Variants in ZMAT4 observed in about 807,000 individuals in gnomAD.
ZMAT4 encodes zinc finger matrin-type protein 4.
In ZMAT4, 17 loss-of-function variants were observed where a neutral mutation model predicts 28.7. The ratio of observed to expected loss-of-function variants is 0.59; its 90% CI spans 0.41 to 0.89. The LOEUF is 0.89. Among genes scored for constraint, ZMAT4 ranks in the 40% least tolerant of loss-of-function variants. ZMAT4 has a pLI of 0.00. For synonymous variants in ZMAT4, 117 were observed against 109.2 expected, an observed-to-expected ratio of 1.07 and a Z score of -0.44; for missense variants, 240 against 283.8, an observed-to-expected ratio of 0.85 and a Z score of 1.11.
chr8:40,814,231 C>T (rs1382459091), intron 2 of ZMAT4, among the ~76,000 whole-genome samples: 1 of 152,240 alleles, frequency 6.6e-6, no homozygotes, highest in African/African-American at 2.4e-5. Context: ...GTTCTCAGCA[C>T]CTCCAAGTAT....
chr8:40,858,486 T>C (rs1817376478), intron 1 of ZMAT4, among the ~76,000 whole-genome samples: 1 of 152,174 alleles, frequency 6.6e-6, no homozygotes. Context: ...ACAGGTTTAA[T>C]AAGCAAGTAT....
chr8:40,819,617 T>A (rs1196339458), intron 2 of ZMAT4, among the ~76,000 whole-genome samples: 1 of 152,078 alleles, frequency 6.6e-6, no homozygotes, highest in East Asian at 1.9e-4. Flanking sequence ...AAGCTTGCAG[T>A]CCTCTTGGGA....
intron 3 of ZMAT4, among the ~76,000 whole-genome samples, chr8:40,703,065 C>A (rs1400236594): frequency 6.6e-6 from 1 of 151,838 alleles, no homozygotes; most frequent in Non-Finnish European, 1.5e-5. Flanking sequence ...ACACACAAAA[C>A]AAGGTTACAT....
At chr8:40,788,679 A>G (rs1433998911) in intron 2 of ZMAT4, among the ~76,000 whole-genome samples, 1 of 151,688 alleles carries the variant, frequency 6.6e-6, no homozygotes, top group Admixed American at 6.6e-5. Flanking sequence ...TTGTACACCA[A>G]CTCTTCCCAA....
chr8:40,824,466 AAAGT>A lies in ZMAT4; in HGVS notation c.102+1105_102+1108del, dbSNP rs534967133. Among the ~76,000 whole-genome samples the A allele has an allele frequency of 8.5e-5, 13 of 152,268 alleles. No individual in the cohort carries two copies. The South Asian group carries it at 2.7e-3, about 32-fold the overall frequency. On this transcript the variant is annotated intron_variant, in intron 2 of 6. Coordinates refer to ENST00000297737, the MANE Select transcript of ZMAT4 (RefSeq NM_024645.3). The stretch of plus-strand genomic sequence containing the variant: ...TCTCAAAAAGAAAGAAGAAAGAAAG[AAAGT>A]AAGAAAGAAAAGAAAAGAAAGAAAT...
At chr8:40,812,810 T>C (rs1815374565) in intron 2 of ZMAT4, among the ~76,000 whole-genome samples, 1 of 152,032 alleles carries the variant, frequency 6.6e-6, no homozygotes, top group African/African-American at 2.4e-5. Flanking sequence ...CAGGTGCCTG[T>C]AATCCTGGCT....
In ZMAT4 at chr8:40,746,302, CTTCCTTTCCT is replaced by C. The variant is rs545809333; in HGVS notation, c.192+21329_192+21338del. 9.4e-3 allele frequency among the ~76,000 whole-genome samples: 661 copies of C among 70,524 alleles called. 12 individuals are homozygous for C. Among genetic ancestry groups the C allele is most frequent in the African/African-American group, 0.031 (577 of 18,528 alleles). 46.3% of individuals were successfully genotyped at this position (70,524 alleles called of 152,430 possible). On this transcript the variant is annotated intron_variant, in intron 3 of 6. Transcript: ENST00000297737. ...CTTTCTTTCTTTTCTTTCTTTCTCC[CTTCCTTTCCT>C]TTCCTTTCCTTTCCTTTCCTTTCCT... is the stretch of plus-strand genomic sequence containing the variant.
intron 5 of ZMAT4, among the ~76,000 whole-genome samples, chr8:40,637,569 A>G (rs1409179859): frequency 6.6e-6 from 1 of 152,204 alleles, no homozygotes; most frequent in Admixed American, 6.5e-5. Flanking sequence ...TTAGAAACAT[A>G]AATTCCCCAA....
At chr8:40,755,746 C>A (rs903201285) in intron 3 of ZMAT4, among the ~76,000 whole-genome samples, 3 of 152,192 alleles carry the variant, frequency 2.0e-5, no homozygotes, top group Admixed American at 6.5e-5. Flanking sequence ...AACCACTGCA[C>A]CCAGCCTGAA....
intron 1 of ZMAT4, among the ~76,000 whole-genome samples, chr8:40,880,233 G>A (rs747587601): frequency 4.6e-5 from 7 of 152,044 alleles, no homozygotes; most frequent in African/African-American, 4.8e-5. Context: ...GCCGAGCGTC[G>A]TGGCACATGC....
chr8:40,627,295 C>T (rs764219747), intron 5 of ZMAT4, among the ~76,000 whole-genome samples: 1 of 152,148 alleles, frequency 6.6e-6, no homozygotes, highest in Non-Finnish European at 1.5e-5. Flanking sequence ...ATAACTGGAA[C>T]ATTTTAGAAC....
At chr8:40,783,935 C>T (rs58307603) in intron 2 of ZMAT4, among the ~76,000 whole-genome samples, 19,577 of 152,002 alleles carry the variant, frequency 0.13, 1,813 homozygotes, top group East Asian at 0.37. Flanking sequence ...TGCTTGAACC[C>T]GTAAGGCGGA....
intron 5 of ZMAT4, among the ~76,000 whole-genome samples, chr8:40,672,841 C>G (rs1289152954): frequency 1.3e-5 from 2 of 152,176 alleles, no homozygotes; most frequent in Non-Finnish European, 2.9e-5. Flanking sequence ...AAGACATAGA[C>G]TGAAAACATA....
chr8:40,576,392 CAA>C (rs1343893164), intron 6 of ZMAT4, among the ~76,000 whole-genome samples: 1 of 151,722 alleles, frequency 6.6e-6, no homozygotes, highest in Non-Finnish European at 1.5e-5. Context: ...AAGTCAAAGA[CAA>C]AGAGAGAATT....
chr8:40,543,163 T>C (rs928869904), intron 6 of ZMAT4, among the ~76,000 whole-genome samples: 1 of 152,158 alleles, frequency 6.6e-6, no homozygotes, highest in Non-Finnish European at 1.5e-5. Context: ...CAGCCAAACC[T>C]TTCAGCAGAC....
At chr8:40,689,400 T>C (rs1003453126) in intron 4 of ZMAT4, among the ~76,000 whole-genome samples, 3 of 152,246 alleles carry the variant, frequency 2.0e-5, no homozygotes. Flanking sequence ...TTTACATGAA[T>C]TTAGAAAATA....
intron 6 of ZMAT4, among the ~76,000 whole-genome samples, chr8:40,543,161 C>T (rs1023919314): frequency 6.6e-6 from 1 of 152,104 alleles, no homozygotes; most frequent in East Asian, 1.9e-4. Flanking sequence ...CACAGCCAAA[C>T]CTTTCAGCAG....
intron 2 of ZMAT4, among the ~76,000 whole-genome samples, chr8:40,817,551 G>A (rs1310561888): frequency 2.0e-5 from 3 of 152,206 alleles, no homozygotes; most frequent in Non-Finnish European, 4.4e-5. Context: ...GCTTTGCTGT[G>A]GACCAGCGAT....
intron 5 of ZMAT4, among the ~76,000 whole-genome samples, chr8:40,647,758 G>C (rs1186383446): frequency 2.6e-5 from 4 of 151,578 alleles, no homozygotes; most frequent in Non-Finnish European, 4.4e-5. Context: ...CCTCAAGTGG[G>C]ACCCTGACCC....
Sources: allele counts gnomAD v4.1 joint callset (sites outside exome capture counted in the v4.1 genomes callset), GRCh38; gene constraint gnomAD v4.1.1; transcripts MANE v1.5; gene names NCBI Gene and HGNC (gene_info 2026-07-23, HGNC 2026-07-21).